The following KCNN2 variants were observed in gnomAD, a reference collection of about 807,000 sequenced individuals.
KCNN2 encodes the protein potassium calcium-activated channel subfamily N member 2.
A neutral mutation model predicts 55.5 loss-of-function variants in KCNN2; 24 were observed. That is an observed-to-expected ratio of 0.43 (90% CI 0.31 to 0.61). The LOEUF is 0.61. KCNN2 is among the 20% of genes least tolerant of loss of function. KCNN2 has a pLI of 0.08. For missense variants in KCNN2, 754 were observed against 853.6 expected, an observed-to-expected ratio of 0.88 and a Z score of 1.45; for synonymous variants, 431 against 336.1, an observed-to-expected ratio of 1.28 and a Z score of -3.09.
intron 1 of KCNN2, among the ~76,000 whole-genome samples, chr5:114,187,276 G>GA (rs1287152546): frequency 6.6e-6 from 1 of 151,902 alleles, no homozygotes; most frequent in East Asian, 1.9e-4. Flanking sequence ...AAACTAGACG[G>GA]AAAAAATCTC....
chr5:114,120,841 T>C (rs185255493), intron 1 of KCNN2, among the ~76,000 whole-genome samples: 39 of 152,354 alleles, frequency 2.6e-4, no homozygotes, highest in African/African-American at 6.7e-4. Flanking sequence ...AGTTCCACTA[T>C]GTAAACTAGG....
chr5:114,343,813 T>C (rs925470807), intron 2 of KCNN2, among the ~76,000 whole-genome samples: 1 of 152,018 alleles, frequency 6.6e-6, no homozygotes, highest in Non-Finnish European at 1.5e-5. Flanking sequence ...CCATCTGCTT[T>C]TTGTATAAAG....
At chr5:114,461,552 T>TA (rs1197868323) in intron 3 of KCNN2, among the ~76,000 whole-genome samples, 1 of 152,158 alleles carries the variant, frequency 6.6e-6, no homozygotes, top group African/African-American at 2.4e-5. Context: ...CAGAATTTCT[T>TA]AGCTTCTCTA....
chr5:114,272,580 C>A (rs1041779638), intron 2 of KCNN2, among the ~76,000 whole-genome samples: 8 of 152,030 alleles, frequency 5.3e-5, no homozygotes, highest in Non-Finnish European at 1.0e-4. Context: ...TCTATAAACT[C>A]CAGCTTTTTT....
chr5:114,078,908 C>T (rs1404336149), intron 1 of KCNN2, among the ~76,000 whole-genome samples: 1 of 152,074 alleles, frequency 6.6e-6, no homozygotes, highest in Non-Finnish European at 1.5e-5. Flanking sequence ...GTATTTACAA[C>T]AATTATTAGC....
chr5:114,093,129 ATC>A (rs1244045058), intron 1 of KCNN2, among the ~76,000 whole-genome samples: 2 of 152,196 alleles, frequency 1.3e-5, no homozygotes, highest in East Asian at 3.9e-4. Context: ...ATTTCAGATC[ATC>A]TCTCTCAAGT....
intron 1 of KCNN2, among the ~76,000 whole-genome samples, chr5:114,138,808 G>T (rs1187900466): frequency 6.6e-6 from 1 of 152,098 alleles, no homozygotes; most frequent in African/African-American, 2.4e-5. Flanking sequence ...CATAGTTGAG[G>T]CTAAAGACAA....
At chr5:114,464,240 A>G (rs1425298251) in intron 4 of KCNN2, among the ~76,000 whole-genome samples, 2 of 152,222 alleles carry the variant, frequency 1.3e-5, no homozygotes, top group East Asian at 3.8e-4. Context: ...TATTTAAGCC[A>G]GAGGTAGTTT....
intron 4 of KCNN2, among the ~76,000 whole-genome samples, chr5:114,470,359 T>C (rs1237579264): frequency 6.6e-6 from 1 of 152,184 alleles, no homozygotes; most frequent in Non-Finnish European, 1.5e-5. Flanking sequence ...AAAGAATCAT[T>C]GCTGCCCTGA....
rs1430046646 is a variant in KCNN2 at position 114,493,515 on chromosome 5, A to C, written c.2088+43A>C. 6 of 1,287,994 alleles carry C rather than the reference A, an allele frequency of 4.7e-6. No individual in the cohort carries two copies. In the African/African-American group the frequency reaches 5.8e-5, roughly 13 times the overall value. 79.8% of individuals were successfully genotyped at this position (1,287,994 alleles called of 1,614,324 possible). A position where few individuals can be genotyped will look rare whatever the true frequency, so the allele number is the denominator to read the frequency against. Reference sequence around the variant, plus strand: ...AGCCCTCCTAGTTGCATCTGTTGAAATCAACCACTTCACAGTCACTAATCA... The same window carrying C: ...AGCCCTCCTAGTTGCATCTGTTGAACTCAACCACTTCACAGTCACTAATCA... On this transcript the variant is annotated intron_variant, in intron 7 of 7. Transcript: ENST00000673685.
rs539676098 is a variant in KCNN2, at chr5:114,261,876, A to G, written c.-185+40311A>G. 3.5e-3 allele frequency among the ~76,000 whole-genome samples: 526 copies of G among 152,290 alleles called. 13 individuals are homozygous for G. Among genetic ancestry groups the G allele is most frequent in the Admixed American group, 5.0e-3 (76 of 15,296 alleles). ...GCAGTTACCAATCAAGAGAGAGCCC[A>G]GGGAGAGCTGGGCACATGGTGATGA... On this transcript the variant is annotated intron_variant, in intron 2 of 10. Coordinates refer to the KCNN2 transcript ENST00000512097.
At chr5:114,397,931 C>G (rs1360749342) in intron 2 of KCNN2, among the ~76,000 whole-genome samples, 2 of 152,038 alleles carry the variant, frequency 1.3e-5, no homozygotes, top group African/African-American at 4.8e-5. Flanking sequence ...GATATTAGAC[C>G]TTTGTCAGAG....
At chr5:114,333,084 C>T (rs1303791955) in intron 2 of KCNN2, among the ~76,000 whole-genome samples, 2 of 152,168 alleles carry the variant, frequency 1.3e-5, no homozygotes, top group East Asian at 1.9e-4. Context: ...CAGTGATTCA[C>T]ACCCTCTAAA....
intron 2 of KCNN2, among the ~76,000 whole-genome samples, chr5:114,390,207 C>T (rs1422142854): frequency 6.6e-6 from 1 of 152,126 alleles, no homozygotes; most frequent in African/African-American, 2.4e-5. Context: ...TAGAATCAAA[C>T]ACGTTGGCTT....
intron 1 of KCNN2, among the ~76,000 whole-genome samples, chr5:114,168,498 G>C (rs759758216): frequency 9.9e-5 from 15 of 152,088 alleles, no homozygotes; most frequent in Non-Finnish European, 2.1e-4. Context: ...TCTTCATGAA[G>C]AATAGGCATT....
intron 3 of KCNN2, among the ~76,000 whole-genome samples, chr5:114,420,137 A>G (rs1331765977): frequency 1.3e-5 from 2 of 152,276 alleles, no homozygotes; most frequent in Non-Finnish European, 2.9e-5. Context: ...CTGAGTCATT[A>G]AGAAATCTAA....
chr5:114,266,703 G>T (rs567745712), intron 2 of KCNN2, among the ~76,000 whole-genome samples: 1 of 152,228 alleles, frequency 6.6e-6, no homozygotes, highest in African/African-American at 2.4e-5. Flanking sequence ...AAAAGATTGA[G>T]CCAAAGCACA....
At chr5:114,075,313 A>T (rs773939396) in intron 1 of KCNN2, among the ~76,000 whole-genome samples, 2 of 152,212 alleles carry the variant, frequency 1.3e-5, no homozygotes, top group Non-Finnish European at 2.9e-5. Context: ...AAAGATGCAG[A>T]AGCAAATCAT....
intron 1 of KCNN2, among the ~76,000 whole-genome samples, chr5:114,176,843 C>T (rs1443419242): frequency 6.6e-6 from 1 of 152,118 alleles, no homozygotes; most frequent in African/African-American, 2.4e-5. Context: ...TTTCACCAAA[C>T]AAATATTATT....
Sources: gnomAD v4.1 joint callset for allele counts (sites outside exome capture counted in the v4.1 genomes callset) on GRCh38, gnomAD v4.1.1 for gene constraint, MANE v1.5 for transcripts, NCBI Gene and HGNC (gene_info 2026-07-23, HGNC 2026-07-21) for gene names.